Variants in ADPRHL1 observed in about 807,000 individuals in gnomAD.
ADPRHL1 encodes inactive ADP-ribosyltransferase ARH2.
ADPRHL1 carries 43 observed loss-of-function variants against 44.1 expected under a neutral mutation model. The observed-to-expected ratio is 0.98, with a 90% CI of 0.76 to 1.26. ADPRHL1 has a LOEUF of 1.26. Among genes scored for constraint, ADPRHL1 ranks in the 50% most tolerant of loss-of-function variants. The probability of loss-of-function intolerance (pLI) is 0.00; values close to 1 mark genes in which losing one functional copy is unlikely to be tolerated. For missense variants in ADPRHL1, 2,022 were observed against 2,496.9 expected (o/e 0.81, Z 4.05); for synonymous variants, 878 against 1,017.4 (o/e 0.86, Z 2.61).
chr13:113,432,391 A>C, intron 3 of ADPRHL1, among the ~76,000 whole-genome samples: 1 of 152,236 alleles, frequency 6.6e-6, no homozygotes, highest in Non-Finnish European at 1.5e-5. Context: ...CTGGGATCAC[A>C]GGTGTGAGCC....
chr13:113,420,529 TA>T (rs2043910358), intron 7 of ADPRHL1, among the ~76,000 whole-genome samples: 1 of 152,114 alleles, frequency 6.6e-6, no homozygotes, highest in Non-Finnish European at 1.5e-5. Flanking sequence ...AGTTCCGACT[TA>T]CCTTAATTGG....
At chr13:113,452,757 A>G (rs1449033740) in intron 1 of ADPRHL1, among the ~76,000 whole-genome samples, 3 of 152,262 alleles carry the variant, frequency 2.0e-5, no homozygotes, top group Non-Finnish European at 4.4e-5. Flanking sequence ...ATCCCCAAAC[A>G]GTATTAATGG....
chr13:113,428,912 T>C (rs746937234), intron 4 of ADPRHL1, 40 bp downstream of exon 4: 2 of 1,609,812 alleles, frequency 1.2e-6, no homozygotes, highest in Admixed American at 1.7e-5. Flanking sequence ...TCTGTCCAGA[T>C]CTGCTCTGAG....
intron 2 of ADPRHL1, 48 bp from the exon 3 acceptor site, chr13:113,433,915 CA>C: frequency 1.3e-6 from 2 of 1,485,506 alleles, no homozygotes. Flanking sequence ...CCAATAATTC[CA>C]CCCCTGACAA....
intron 2 of ADPRHL1, among the ~76,000 whole-genome samples, chr13:113,440,831 T>C (rs1245608083): frequency 1.3e-5 from 2 of 152,170 alleles, no homozygotes; most frequent in African/African-American, 2.4e-5. Flanking sequence ...CAGGAGATTT[T>C]TGGTTGTTTG....
chr13:113,406,670 C>CAAA lies in ADPRHL1; in HGVS notation c.2611_2612insTTT (p.Pro870_Cys871insPhe). On this transcript the variant is annotated inframe_insertion, in exon 8 of 8. Transcript: ENST00000612156. ...AACCACATTCTCTCCTCCACAAATACAAGGTTTGTTTTCACCACTTGACAT... is the reference window on the plus strand; with the variant it reads ...AACCACATTCTCTCCTCCACAAATACAAAAAGGTTTGTTTTCACCACTTGACAT... The CAAA allele has an allele frequency of 3.2e-6, 4 of 1,231,326 alleles. 1 individual carries two copies. Among genetic ancestry groups the CAAA allele is most frequent in the Middle Eastern group, 6.2e-4 (2 of 3,208 alleles). 76.3% of individuals were successfully genotyped at this position (1,231,326 alleles called of 1,614,324 possible). A position where few individuals can be genotyped will look rare whatever the true frequency, so the allele number is the denominator to read the frequency against.
Position 113,406,275 on chromosome 13 carries a change from C to T in ADPRHL1, c.3007G>A (p.Ala1003Thr), listed in dbSNP as rs1008722998. 20 of 1,231,960 alleles carry T rather than the reference C, an allele frequency of 1.6e-5. No individual in the cohort carries two copies. Among genetic ancestry groups the T allele is most frequent in the African/African-American group, 1.6e-4 (10 of 64,434 alleles). The allele number at this position is 1,231,960 out of a possible 1,614,324, so 76.3% of individuals were successfully genotyped here. A position where few individuals can be genotyped will look rare whatever the true frequency, so the allele number is the denominator to read the frequency against. Residue 1003 changes from alanine to threonine, a missense_variant, in exon 8 of 8, where the codon GCA becomes ACA. Coordinates refer to ENST00000612156, the MANE Select transcript of ADPRHL1 (RefSeq NM_001394807.1). ...NEISMQKKGS[A>T]TNDPAASQNL... Reference sequence around the variant, plus strand: ...TGTGAGGCTGCAGGATCATTTGTTGCGGAGCCCTTCTTCTGCATTGATATT... The same window carrying T: ...TGTGAGGCTGCAGGATCATTTGTTGTGGAGCCCTTCTTCTGCATTGATATT...
chr13:113,407,138 C>G lies in ADPRHL1; in HGVS notation c.2144G>C (p.Gly715Ala). The G allele has an allele frequency of 8.1e-7, 1 of 1,232,288 alleles. No homozygotes were observed. The highest frequency in any genetic ancestry group is 1.0e-6 in the Non-Finnish European group (1 of 988,086). 76.3% of individuals were successfully genotyped at this position (1,232,288 alleles called of 1,614,324 possible). A position where few individuals can be genotyped will look rare whatever the true frequency, so the allele number is the denominator to read the frequency against. ...LAFSCAPCTG[G>A]VLPGLVPASS... The stretch of plus-strand genomic sequence containing the variant: ...TGCAGGCACAAGGCCAGGAAGGACT[C>G]CACCTGTGCAGGGAGCACAAGAGAA... The change falls in exon 8 of 8, where the codon GGA becomes GCA. Residue 715 changes from glycine to alanine, a missense_variant. This residue lies in a region of ADPRHL1 where 1,221 missense variants were observed against 1,517.8 expected (regional missense o/e 0.80). Coordinates refer to ENST00000612156, the MANE Select transcript of ADPRHL1 (RefSeq NM_001394807.1).
chr13:113,420,140 T>C (rs2043908184), intron 7 of ADPRHL1, among the ~76,000 whole-genome samples: 1 of 152,288 alleles, frequency 6.6e-6, no homozygotes, highest in South Asian at 2.1e-4. Flanking sequence ...ATCGCAAAAA[T>C]GAAACCTGCC....
intron 7 of ADPRHL1, among the ~76,000 whole-genome samples, chr13:113,416,366 G>A (rs1048428639): frequency 3.9e-5 from 6 of 152,084 alleles, no homozygotes; most frequent in African/African-American, 9.7e-5. Flanking sequence ...ACAAAGGGGC[G>A]TCTGGTAAAC....
In ADPRHL1 at chr13:113,453,439, C is replaced by T; in HGVS notation, c.-2G>A. The T allele has an allele frequency of 6.2e-7, 1 of 1,613,980 alleles. No individual in the cohort carries two copies. The highest frequency in any genetic ancestry group is 1.1e-5 in the South Asian group (1 of 91,082). On this transcript the variant is annotated 5_prime_UTR_variant, in exon 1 of 8. Coordinates refer to ENST00000612156, the MANE Select transcript of ADPRHL1 (RefSeq NM_001394807.1). This position sits in a 1 kb window ranked among gnomAD's most constrained non-coding sequence, Gnocchi z 5.4. ...CATCGCAGCCTTAAATTTCTCCATCCCAGGAGGCAGCTCCTCTTCCCCAAC... is the reference window on the plus strand; with the variant it reads ...CATCGCAGCCTTAAATTTCTCCATCTCAGGAGGCAGCTCCTCTTCCCCAAC...
At chr13:113,433,358 CT>C (rs943028182) in intron 3 of ADPRHL1, among the ~76,000 whole-genome samples, 15 of 152,348 alleles carry the variant, frequency 9.8e-5, no homozygotes, top group African/African-American at 3.1e-4. Flanking sequence ...GTTTCTTTGT[CT>C]TTTGTTCTGA....
At chr13:113,443,745 G>C (rs1033884391) in intron 2 of ADPRHL1, among the ~76,000 whole-genome samples, 1 of 152,186 alleles carries the variant, frequency 6.6e-6, no homozygotes, top group African/African-American at 2.4e-5. Context: ...AGGAGTTCGA[G>C]ACCAGCCTGA....
intron 2 of ADPRHL1, among the ~76,000 whole-genome samples, chr13:113,434,510 C>A (rs1268584341): frequency 3.3e-5 from 5 of 150,738 alleles, no homozygotes; most frequent in Non-Finnish European, 1.5e-5. Flanking sequence ...CCCCGGGACC[C>A]AGCATCCACA....
chr13:113,423,007 G>A, intron 6 of ADPRHL1, 28 bp from the exon 7 acceptor site: 1 of 1,612,102 alleles, frequency 6.2e-7, no homozygotes, highest in Non-Finnish European at 8.5e-7. Context: ...CAGTTGCAGT[G>A]GGCTCCACCT....
chr13:113,403,396 C>T lies in ADPRHL1; in HGVS notation c.5886G>A (p.Thr1962=), dbSNP rs547661287. The T allele has an allele frequency of 7.3e-6, 9 of 1,232,142 alleles. No individual in the cohort carries two copies. Among genetic ancestry groups the T allele is most frequent in the East Asian group, 6.3e-5 (2 of 31,706 alleles). The allele number at this position is 1,232,142 out of a possible 1,614,324, so 76.3% of individuals were successfully genotyped here. Residue 1962 remains threonine, a synonymous_variant, in exon 8 of 8, where the codon ACG becomes ACA. Coordinates refer to ENST00000612156, the MANE Select transcript of ADPRHL1 (RefSeq NM_001394807.1). ...CGGGGCCTCACTTTGGGAGCTCAGA[C>T]GTGTCGCTGGCCCTGACGCTCATTG... ...FRPMSVRASD[T]SELPK
intron 3 of ADPRHL1, among the ~76,000 whole-genome samples, chr13:113,432,411 G>A (rs775542681): frequency 3.3e-5 from 5 of 152,246 alleles, no homozygotes; most frequent in Non-Finnish European, 5.9e-5. Flanking sequence ...CGCTGCACCT[G>A]CACCTGGCAA....
Position 113,405,002 on chromosome 13 carries a change from C to T in ADPRHL1, c.4280G>A (p.Gly1427Glu). The T allele has an allele frequency of 8.1e-7, 1 of 1,234,138 alleles. No homozygotes were observed. The highest frequency in any genetic ancestry group is 4.1e-5 in the South Asian group (1 of 24,648). The allele number at this position is 1,234,138 out of a possible 1,614,324, so 76.4% of individuals were successfully genotyped here. A position where few individuals can be genotyped will look rare whatever the true frequency, so the allele number is the denominator to read the frequency against. ...GGCGCCCCCAACCCCAATGGCCATC[C>T]CTTTGTCCCCGGCCAGATCCTGTGC... ...WWAQDLAGDK[G>E]MAIGVGGACQ... Residue 1427 changes from glycine (G) to glutamate (E), a missense_variant, in exon 8 of 8, where the codon GGG (glycine) becomes GAG (glutamate). Transcript: ENST00000612156.
chr13:113,451,584 G>A (rs1302385084), intron 1 of ADPRHL1, among the ~76,000 whole-genome samples: 1 of 152,138 alleles, frequency 6.6e-6, no homozygotes, highest in Non-Finnish European at 1.5e-5. Context: ...GAGGTGGGTG[G>A]ATCACTTGAG....
Sources: allele counts gnomAD v4.1 joint callset (sites outside exome capture counted in the v4.1 genomes callset), GRCh38; gene constraint gnomAD v4.1.1; regional missense constraint gnomAD v4.1.1; non-coding constraint Gnocchi (gnomAD v3.1); transcripts MANE v1.5; gene names NCBI Gene and HGNC (gene_info 2026-07-23, HGNC 2026-07-21).